Variants in AUTS2 observed in about 807,000 individuals in gnomAD.
The protein encoded by AUTS2 is autism susceptibility gene 2 protein.
In AUTS2, 17 loss-of-function variants were observed where a neutral mutation model predicts 112.4. The ratio of observed to expected loss-of-function variants is 0.15; its 90% CI spans 0.10 to 0.23. The LOEUF (loss-of-function observed/expected upper bound fraction) is 0.23. Ranked by LOEUF, AUTS2 falls within the 10% of genes least tolerant of loss-of-function variation. AUTS2 has a pLI of 1.00. For synonymous variants in AUTS2, 751 were observed against 702.7 expected, an observed-to-expected ratio of 1.07 and a Z score of -1.09; for missense variants, 1,510 against 1,701.6, an observed-to-expected ratio of 0.89 and a Z score of 1.98.
intron 2 of AUTS2, among the ~76,000 whole-genome samples, chr7:70,043,887 G>T (rs1012367690): frequency 6.6e-6 from 1 of 151,932 alleles, no homozygotes; most frequent in South Asian, 2.1e-4. Flanking sequence ...GGGATTACAG[G>T]CGTGAGCCAC....
intron 5 of AUTS2, among the ~76,000 whole-genome samples, chr7:70,473,227 A>G (rs1797458705): frequency 6.6e-6 from 1 of 152,254 alleles, no homozygotes. Context: ...GTACACATAC[A>G]TTCCAATTTT....
chr7:70,034,494 T>A (rs979874265), intron 2 of AUTS2, among the ~76,000 whole-genome samples: 1 of 152,216 alleles, frequency 6.6e-6, no homozygotes, highest in East Asian at 1.9e-4. Flanking sequence ...GAATTGGATT[T>A]ACTGACTTAT....
At chr7:70,227,453 T>C (rs1268643592) in intron 4 of AUTS2, among the ~76,000 whole-genome samples, 1 of 152,130 alleles carries the variant, frequency 6.6e-6, no homozygotes, top group African/African-American at 2.4e-5. Flanking sequence ...TTTGTAACCA[T>C]CACCACAATA....
chr7:70,009,381 AG>A (rs1347287698), intron 2 of AUTS2, among the ~76,000 whole-genome samples: 1 of 152,202 alleles, frequency 6.6e-6, no homozygotes, highest in African/African-American at 2.4e-5. Flanking sequence ...CCATAGTAAG[AG>A]GGAAGTTTAA....
At chr7:70,087,765 C>T (rs920322606) in intron 2 of AUTS2, among the ~76,000 whole-genome samples, 2 of 152,122 alleles carry the variant, frequency 1.3e-5, no homozygotes, top group African/African-American at 4.8e-5. Context: ...CTCCAATTTT[C>T]TGAAGCAGTT....
chr7:70,369,883 C>T (rs1792761627), intron 4 of AUTS2, among the ~76,000 whole-genome samples: 1 of 152,158 alleles, frequency 6.6e-6, no homozygotes, highest in Admixed American at 6.5e-5. Flanking sequence ...TTTAGTCCTG[C>T]TTGCCCATCC....
intron 5 of AUTS2, among the ~76,000 whole-genome samples, chr7:70,554,370 C>CT (rs947429302): frequency 7.0e-6 from 1 of 143,244 alleles, no homozygotes; most frequent in African/African-American, 2.6e-5. Context: ...TGCCCGGCCT[C>CT]TTTTTTTTCT....
intron 4 of AUTS2, among the ~76,000 whole-genome samples, chr7:70,263,442 T>A (rs1268546144): frequency 6.6e-6 from 1 of 152,216 alleles, no homozygotes; most frequent in African/African-American, 2.4e-5. Context: ...CACGTCTGAT[T>A]AAATAGTTTA....
In AUTS2 at chr7:70,534,683, CCCAAAGTG is replaced by C. The variant is rs1249445614; in HGVS notation, c.690+98904_690+98911del. ...TCAGGTGATCCGCCCACCTCGGCCT[CCCAAAGTG>C]CTGGGATTACAGGCGTGAGCCACTG... On this transcript the variant is annotated intron_variant, in intron 5 of 18. Coordinates refer to ENST00000342771, the MANE Select transcript of AUTS2 (RefSeq NM_015570.4). Among the ~76,000 whole-genome samples the C allele has an allele frequency of 3.9e-5, 6 of 152,172 alleles. No individual in the cohort carries two copies. The East Asian group carries it at 1.2e-3, about 29-fold the overall frequency.
At chr7:69,834,676 C>T (rs10216097) in intron 1 of AUTS2, among the ~76,000 whole-genome samples, 1 of 152,086 alleles carries the variant, frequency 6.6e-6, no homozygotes, top group African/African-American at 2.4e-5. Context: ...AAACTCAAAC[C>T]AAGCCTTGAT....
chr7:70,061,943 A>G (rs1420498253), intron 2 of AUTS2, among the ~76,000 whole-genome samples: 1 of 151,652 alleles, frequency 6.6e-6, no homozygotes, highest in Admixed American at 6.6e-5. Flanking sequence ...TCCCGCCACC[A>G]TGCCCAGCTA....
At position 70,312,583 on chromosome 7, in the gene AUTS2, C is replaced by T. The variant is rs1459909701; in HGVS notation, c.661-123169C>T. Among the ~76,000 whole-genome samples the T allele has an allele frequency of 2.0e-5, 3 of 152,182 alleles. No homozygotes were observed. The South Asian group carries it at 6.2e-4, about 31-fold the overall frequency. On this transcript the variant is annotated intron_variant, in intron 4 of 18. Transcript: ENST00000342771. ...GAGTTCTTTTTCTTTTCTCCACCAA[C>T]ACCCCTCACAATTAAAATAAATCAG...
chr7:69,812,746 T>C (rs779369586), intron 1 of AUTS2, among the ~76,000 whole-genome samples: 1 of 152,118 alleles, frequency 6.6e-6, no homozygotes, highest in South Asian at 2.1e-4. Context: ...CTTTGAAATA[T>C]TGCCTACTTT....
intron 2 of AUTS2, among the ~76,000 whole-genome samples, chr7:69,957,981 C>A (rs1203406463): frequency 6.6e-6 from 1 of 152,102 alleles, no homozygotes; most frequent in Non-Finnish European, 1.5e-5. Flanking sequence ...TATGTAACAG[C>A]CCTGGTGGTG....
chr7:70,100,376 C>T (rs147122828), intron 2 of AUTS2, among the ~76,000 whole-genome samples: 1,736 of 152,034 alleles, frequency 0.011, 13 homozygotes, highest in Non-Finnish European at 0.02. Context: ...TGGATTATCC[C>T]CATAGACCTG....
chr7:70,675,359 G>A (rs1457334926), intron 5 of AUTS2, among the ~76,000 whole-genome samples: 1 of 152,080 alleles, frequency 6.6e-6, no homozygotes, highest in Non-Finnish European at 1.5e-5. Flanking sequence ...CAGGTGTGGT[G>A]GTGCATGCCT....
intron 6 of AUTS2, among the ~76,000 whole-genome samples, chr7:70,731,704 C>T (rs1318066073): frequency 1.3e-5 from 2 of 151,940 alleles, no homozygotes; most frequent in African/African-American, 4.8e-5. Flanking sequence ...GCTGGGATTA[C>T]AGGCATGAGC....
At chr7:70,632,308 G>A (rs565220605) in intron 5 of AUTS2, among the ~76,000 whole-genome samples, 77 of 152,266 alleles carry the variant, frequency 5.1e-4, no homozygotes, top group African/African-American at 1.7e-3. Context: ...AAAGGCAGCC[G>A]GGGGATTCGG....
chr7:70,765,054 G>A (rs762289043), intron 8 of AUTS2, 49 bp downstream of exon 8: 41 of 1,603,720 alleles, frequency 2.6e-5, no homozygotes, highest in African/African-American at 8.0e-5. Flanking sequence ...ACCGCCCCTC[G>A]CTGTGACCTC....
Sources: allele counts gnomAD v4.1 joint callset (sites outside exome capture counted in the v4.1 genomes callset), GRCh38; gene constraint gnomAD v4.1.1; transcripts MANE v1.5; gene names NCBI Gene and HGNC (gene_info 2026-07-23, HGNC 2026-07-21).